The following DZIP1L variants were observed in gnomAD, a reference collection of about 807,000 sequenced individuals.
DZIP1L encodes DAZ interacting zinc finger protein 1 like.
A neutral mutation model predicts 88.7 loss-of-function variants in DZIP1L; 90 were observed. That is an observed-to-expected ratio of 1.02 (90% confidence interval 0.86 to 1.21). DZIP1L has a LOEUF of 1.21. Ranked by LOEUF, DZIP1L falls within the 50% of genes most tolerant of loss-of-function variation. The pLI is 0.00. For synonymous variants in DZIP1L, 363 were observed against 372.1 expected (o/e 0.98, Z 0.28); for missense variants, 932 against 955.8 (o/e 0.98, Z 0.33).
chr3:138,113,531 G>A (rs923200562), intron 1 of DZIP1L: 2 of 152,160 alleles, frequency 1.3e-5, no homozygotes, highest in Admixed American at 1.3e-4. Context: ...GAGCTCAGGC[G>A]TGTCATTAAT....
chr3:138,090,139 T>C (rs185882623), intron 5 of DZIP1L, among the ~76,000 whole-genome samples: 10 of 150,886 alleles, frequency 6.6e-5, no homozygotes, highest in Non-Finnish European at 1.2e-4. Flanking sequence ...GAACCCATCT[T>C]AAAAAAATAA....
chr3:138,089,526 G>C (rs1376602880), intron 5 of DZIP1L, among the ~76,000 whole-genome samples: 2 of 152,114 alleles, frequency 1.3e-5, no homozygotes, highest in African/African-American at 4.8e-5. Flanking sequence ...CAGGGAAAAA[G>C]TTTTGAGGAA....
intron 6 of DZIP1L, among the ~76,000 whole-genome samples, chr3:138,087,870 A>G (rs1204593827): frequency 2.0e-5 from 3 of 152,232 alleles, no homozygotes; most frequent in Admixed American, 6.5e-5. Flanking sequence ...ACCTTCTACC[A>G]GCTGGTGAGA....
rs753264200 is a variant in DZIP1L at position 138,103,495 on chromosome 3, C to A, written c.477G>T (p.Gln159His). 1.9e-6 allele frequency: 3 copies of A among 1,604,754 alleles called. No individual in the cohort carries two copies. Among genetic ancestry groups the A allele is most frequent in the Admixed American group, 3.3e-5 (2 of 59,800 alleles). Residue 159 changes from glutamine (Q) to histidine (H), a missense_variant, in exon 2 of 16, where the codon CAG becomes CAT. Coordinates refer to ENST00000327532, the MANE Select transcript of DZIP1L (RefSeq NM_173543.3). Reference protein sequence around the residue: ...MISTLQQLLMQTGTHSYHTCH... With the variant: ...MISTLQQLLMHTGTHSYHTCH... ...CCGTGTGGTAGCTGTGGGTGCCTGT[C>A]TGCATTAGCAGCTGCTGCAGGGTGC...
intron 2 of DZIP1L, chr3:138,102,511 T>C: frequency 2.2e-6 from 3 of 1,334,854 alleles, no homozygotes; most frequent in Non-Finnish European, 2.1e-6. Flanking sequence ...ATGTTGTCCA[T>C]GTTAACTCTG....
At chr3:138,075,552 A>G (rs1943366920) in intron 11 of DZIP1L, among the ~76,000 whole-genome samples, 1 of 152,256 alleles carries the variant, frequency 6.6e-6, no homozygotes, top group African/African-American at 2.4e-5. Context: ...GTTCCTGAAT[A>G]ATCGTTGGGT....
In DZIP1L at chr3:138,083,210, T is replaced by C. The variant is rs563129150; in HGVS notation, c.1203+903A>G. On this transcript the variant is annotated intron_variant, in intron 8 of 15. Transcript: ENST00000327532. ...TTTCCTCCTTAGGAAACCTCCAGAC[T>C]AGAGCTTAGTGCAGAGCTGAGTGTT... Among the ~76,000 whole-genome samples, 4 of 152,332 alleles carry C rather than the reference T, an allele frequency of 2.6e-5. No homozygotes were observed. In the South Asian group the frequency reaches 8.3e-4, roughly 32 times the overall value.
At chr3:138,090,906 A>G (rs1461424923) in intron 5 of DZIP1L, among the ~76,000 whole-genome samples, 3 of 150,566 alleles carry the variant, frequency 2.0e-5, no homozygotes, top group African/African-American at 7.3e-5. Context: ...TTTTTTGAGA[A>G]GGAGTCTCAC....
At chr3:138,069,196 C>T in intron 12 of DZIP1L, 3 of 659,512 alleles carry the variant, frequency 4.5e-6, no homozygotes, top group Non-Finnish European at 8.3e-6. Flanking sequence ...AGGATGAAGT[C>T]CTTTATGATG....
At chr3:138,068,040 G>A in intron 13 of DZIP1L, 111 bp downstream of exon 13, 2 of 986,224 alleles carry the variant, frequency 2.0e-6, no homozygotes, top group Non-Finnish European at 2.7e-6. Context: ...CTATTCACAT[G>A]TGTCTGCCCC....
chr3:138,068,706 A>G (rs949705543), intron 12 of DZIP1L, among the ~76,000 whole-genome samples: 1 of 151,946 alleles, frequency 6.6e-6, no homozygotes, highest in African/African-American at 2.4e-5. Context: ...CCTCTCCCCA[A>G]CCCACGCTAC....
intron 8 of DZIP1L, among the ~76,000 whole-genome samples, chr3:138,082,365 G>T (rs879495978): frequency 1.3e-5 from 2 of 152,246 alleles, no homozygotes; most frequent in Non-Finnish European, 2.9e-5. Context: ...GACTGGTAAT[G>T]AATGATGTCA....
rs769320356 is a variant in DZIP1L, at chr3:138,103,828, C to A, written c.144G>T (p.Arg48=). 3.1e-6 allele frequency: 5 copies of A among 1,614,192 alleles called. No individual in the cohort carries two copies. Residue 48 remains arginine (R), a synonymous_variant, in exon 2 of 16, where the codon CGG becomes CGT. Transcript: ENST00000327532. ...ISTLDVDRVA[R]ELDVATLQEN... is the part of the protein sequence containing the mutation. ...CCTGCAGAGTGGCCACATCCAGTTCCCGGGCCACGCGGTCTACATCCAGGG... is the reference window on the plus strand; with the variant it reads ...CCTGCAGAGTGGCCACATCCAGTTCACGGGCCACGCGGTCTACATCCAGGG...
At chr3:138,065,247 G>A (rs1320034683) in intron 14 of DZIP1L, among the ~76,000 whole-genome samples, 1 of 152,196 alleles carries the variant, frequency 6.6e-6, no homozygotes, top group Non-Finnish European at 1.5e-5. Flanking sequence ...GATCCCTGAT[G>A]CCTGGCACAC....
In DZIP1L at chr3:138,103,975, C is replaced by T. The variant is rs1220334103; in HGVS notation, c.-4G>A. The T allele has an allele frequency of 6.2e-7, 1 of 1,607,216 alleles. No homozygotes were observed. Among genetic ancestry groups the T allele is most frequent in the Non-Finnish European group, 8.5e-7 (1 of 1,178,314 alleles). On this transcript the variant is annotated 5_prime_UTR_variant, in exon 2 of 16. Transcript: ENST00000327532. ...CAGTGGCAGCTGGGGACTGCATGGG[C>T]AGAGGAAGCCCTGAGCTGACCACCA...
At chr3:138,073,769 G>A (rs1943280564) in intron 11 of DZIP1L, among the ~76,000 whole-genome samples, 1 of 152,068 alleles carries the variant, frequency 6.6e-6, no homozygotes. Flanking sequence ...GCTAATCAAG[G>A]AGGGACCAAA....
intron 3 of DZIP1L, among the ~76,000 whole-genome samples, chr3:138,095,312 G>T (rs748047778): frequency 6.6e-6 from 1 of 152,116 alleles, no homozygotes; most frequent in Non-Finnish European, 1.5e-5. Flanking sequence ...GTACTGACAC[G>T]TGGAAATAGA....
At chr3:138,097,982 A>C (rs1442135255) in intron 2 of DZIP1L, 135 bp from the exon 3 acceptor site, 1 of 704,404 alleles carries the variant, frequency 1.4e-6, no homozygotes, top group Non-Finnish European at 2.4e-6. Flanking sequence ...TTTACTGAGC[A>C]AGGCAATGAT....
chr3:138,104,134 C>T lies in DZIP1L; in HGVS notation c.-81-82G>A, dbSNP rs1225126963. 15 of 1,325,670 alleles carry T rather than the reference C, an allele frequency of 1.1e-5. No individual in the cohort carries two copies. In the East Asian group the frequency reaches 1.8e-4, roughly 16 times the overall value. 82.1% of individuals were successfully genotyped at this position (1,325,670 alleles called of 1,614,324 possible). On this transcript the variant is annotated intron_variant, in intron 1 of 15. Transcript: ENST00000327532. ...TATATCTGGCCAGCAAGGGCCTAAG[C>T]GGGGCAAAGTGAGGTGTCTGTGCAG... is the stretch of plus-strand genomic sequence containing the variant.
Sources: gnomAD v4.1 joint callset for allele counts (sites outside exome capture counted in the v4.1 genomes callset) on GRCh38, gnomAD v4.1.1 for gene constraint, MANE v1.5 for transcripts, NCBI Gene and HGNC (gene_info 2026-07-23, HGNC 2026-07-21) for gene names.